Variants in FAM13B observed in about 807,000 individuals in gnomAD.
FAM13B encodes protein FAM13B.
A neutral mutation model predicts 117.3 loss-of-function variants in FAM13B; 60 were observed. The observed-to-expected ratio is 0.51, with a 90% confidence interval of 0.42 to 0.63. FAM13B has a LOEUF of 0.63. Among genes scored for constraint, FAM13B ranks in the 30% least tolerant of loss-of-function variants. The pLI, the probability that FAM13B is intolerant of heterozygous loss-of-function variation, is 0.00. For missense variants in FAM13B, 972 were observed against 1,091.9 expected (o/e 0.89, Z 1.55); for synonymous variants, 332 against 356.1 (o/e 0.93, Z 0.76).
intron 7 of FAM13B, among the ~76,000 whole-genome samples, chr5:137,999,700 A>C (rs1561512527): frequency 6.6e-6 from 1 of 152,246 alleles, no homozygotes; most frequent in Non-Finnish European, 1.5e-5. Context: ...TACACTAGGA[A>C]ACAACAGAAA....
intron 7 of FAM13B, among the ~76,000 whole-genome samples, chr5:137,997,695 A>G (rs1021882760): frequency 1.3e-5 from 2 of 152,204 alleles, no homozygotes; most frequent in Middle Eastern, 3.4e-3. Flanking sequence ...AAACATAGCT[A>G]ATGACAACTG....
intron 1 of FAM13B, among the ~76,000 whole-genome samples, chr5:138,023,764 T>C (rs1436128343): frequency 6.6e-6 from 1 of 152,182 alleles, no homozygotes; most frequent in Non-Finnish European, 1.5e-5. Context: ...TTCACCACAT[T>C]GCCCAGGCTG....
intron 1 of FAM13B, among the ~76,000 whole-genome samples, chr5:138,025,964 C>A (rs1050193028): frequency 1.3e-5 from 2 of 152,142 alleles, no homozygotes; most frequent in African/African-American, 4.8e-5. Flanking sequence ...AGCACAGAAT[C>A]TTTACACTTT....
At chr5:138,026,864 G>C (rs900024103) in intron 1 of FAM13B, among the ~76,000 whole-genome samples, 1 of 150,944 alleles carries the variant, frequency 6.6e-6, no homozygotes, top group Non-Finnish European at 1.5e-5. Flanking sequence ...GCTTGAACCC[G>C]GGAGGCGGAG....
At chr5:137,968,146 C>G (rs2349962) in intron 10 of FAM13B, among the ~76,000 whole-genome samples, 110,441 of 149,108 alleles carry the variant, frequency 0.74, 41,431 homozygotes, top group East Asian at 0.97. Flanking sequence ...CGCTTGAACC[C>G]GGGAGGCAGA....
chr5:137,945,807 C>T, intron 20 of FAM13B, 95 bp downstream of exon 20: 3 of 791,096 alleles, frequency 3.8e-6, no homozygotes, highest in Non-Finnish European at 6.1e-6. Context: ...TCTGTCTTGG[C>T]TGTGTATTTC....
intron 5 of FAM13B, among the ~76,000 whole-genome samples, chr5:138,011,408 C>T (rs1783964876): frequency 6.6e-6 from 1 of 151,908 alleles, no homozygotes; most frequent in African/African-American, 2.4e-5. Context: ...TTCCATTTCA[C>T]ATATCTAATT....
At chr5:137,970,218 G>A (rs909525826) in intron 10 of FAM13B, among the ~76,000 whole-genome samples, 26 of 151,792 alleles carry the variant, frequency 1.7e-4, no homozygotes, top group Admixed American at 5.9e-4. Context: ...GAGAAAGGTC[G>A]GGTTACCCTC....
intron 10 of FAM13B, among the ~76,000 whole-genome samples, chr5:137,974,424 A>T (rs1773269537): frequency 7.8e-6 from 1 of 127,906 alleles, no homozygotes; most frequent in South Asian, 2.6e-4. Context: ...ACACATGGAC[A>T]CAGGAAGGGG....
chr5:138,039,262 A>C (rs1471959794), intron 1 of FAM13B: 1 of 152,246 alleles, frequency 6.6e-6, no homozygotes, highest in Non-Finnish European at 1.5e-5. Context: ...GCCTGTATCC[A>C]TATAGGGGAA....
chr5:138,006,177 G>A (rs186793007), intron 7 of FAM13B, among the ~76,000 whole-genome samples: 70 of 152,214 alleles, frequency 4.6e-4, no homozygotes, highest in African/African-American at 1.5e-3. Flanking sequence ...GATTACAGGC[G>A]TCAGCCACCG....
intron 1 of FAM13B, among the ~76,000 whole-genome samples, chr5:138,030,069 A>C (rs1183885989): frequency 6.6e-6 from 1 of 152,186 alleles, no homozygotes; most frequent in Non-Finnish European, 1.5e-5. Context: ...TCCTCAGCCT[A>C]GGTCTTTTAT....
intron 1 of FAM13B, among the ~76,000 whole-genome samples, chr5:138,046,531 G>A (rs1336808513): frequency 3.9e-5 from 6 of 152,014 alleles, no homozygotes; most frequent in African/African-American, 1.2e-4. Flanking sequence ...TCTGTTTTCT[G>A]TCTTTCTTGT....
At chr5:138,037,382 C>G (rs551611585), upstream of FAM13B, 1 of 151,276 alleles carries the variant, frequency 6.6e-6, no homozygotes, top group South Asian at 2.1e-4. Flanking sequence ...AGTCACATCA[C>G]TGTGGAAGGA....
chr5:137,956,364 A>T (rs771851611), intron 14 of FAM13B, 113 bp downstream of exon 14: 19 of 580,188 alleles, frequency 3.3e-5, no homozygotes, highest in Non-Finnish European at 4.8e-5. Context: ...TTCACTTTGA[A>T]CCCAGAACAG....
intron 7 of FAM13B, among the ~76,000 whole-genome samples, chr5:138,006,641 T>C (rs1782638941): frequency 6.6e-6 from 1 of 152,254 alleles, no homozygotes; most frequent in Admixed American, 6.5e-5. Flanking sequence ...TTACAACTAA[T>C]TGTAGCCTGG....
intron 7 of FAM13B, among the ~76,000 whole-genome samples, chr5:137,994,855 T>C (rs985764476): frequency 9.2e-5 from 14 of 152,244 alleles, no homozygotes; most frequent in Non-Finnish European, 2.1e-4. Context: ...AAGATCAATC[T>C]TGCAACCACT....
chr5:137,988,379 G>C (rs1777766689), intron 7 of FAM13B, 64 bp from the exon 8 acceptor site: 2 of 1,333,446 alleles, frequency 1.5e-6, no homozygotes, highest in African/African-American at 3.1e-5. Context: ...AAAATGTGCT[G>C]AAATCTGCCA....
At chr5:138,044,232 A>G (rs1340505677) in intron 1 of FAM13B, among the ~76,000 whole-genome samples, 1 of 152,158 alleles carries the variant, frequency 6.6e-6, no homozygotes, top group Non-Finnish European at 1.5e-5. Flanking sequence ...CCAGCCTAAA[A>G]AAGATATTTT....
Sources: gnomAD v4.1 joint callset for allele counts (sites outside exome capture counted in the v4.1 genomes callset) on GRCh38, gnomAD v4.1.1 for gene constraint, MANE v1.5 for transcripts, NCBI Gene and HGNC (gene_info 2026-07-23, HGNC 2026-07-21) for gene names.